FCRL5: variants seen among roughly 807,000 people sequenced by gnomAD.
The protein encoded by FCRL5 is Fc receptor like 5.
FCRL5 carries 79 observed loss-of-function variants against 92.1 expected under a neutral mutation model. That is an observed-to-expected ratio of 0.86 (90% CI 0.72 to 1.03). FCRL5 has a LOEUF of 1.03. Among genes scored for constraint, FCRL5 ranks in the 50% least tolerant of loss-of-function variants. The pLI, the probability that FCRL5 is intolerant of heterozygous loss-of-function variation, is 0.00. For synonymous variants in FCRL5, 466 were observed against 469.3 expected (o/e 0.99, Z 0.09); for missense variants, 1,160 against 1,181.1 (o/e 0.98, Z 0.26).
At position 157,543,036 on chromosome 1, in the gene FCRL5, G is replaced by T. The variant is rs373052884; in HGVS notation, c.946C>A (p.Arg316Ser). The change falls in exon 6 of 17, where the codon CGC (arginine) becomes AGC (serine). Residue 316 changes from arginine to serine, a missense_variant. Coordinates refer to ENST00000361835, the MANE Select transcript of FCRL5 (RefSeq NM_031281.3). The stretch of plus-strand genomic sequence containing the variant: ...TCATGATAAAACCTGTACAAAGTGC[G>T]CAGAGAATCTTCCTGGGTTTCACAG... ...LHCETQEDSL[R>S]TLYRFYHEGV... is the part of the protein sequence containing the mutation. The T allele has an allele frequency of 1.2e-6, 2 of 1,614,242 alleles. No homozygotes were observed. The highest frequency in any genetic ancestry group is 1.3e-5 in the African/African-American group (1 of 75,064).
At chr1:157,541,185 C>A (rs750822505) in intron 6 of FCRL5, among the ~76,000 whole-genome samples, 14 of 151,812 alleles carry the variant, frequency 9.2e-5, no homozygotes, top group South Asian at 2.1e-4. Flanking sequence ...TCTCACAGTG[C>A]CTCTTGCTTC....
chr1:157,535,259 A>T (rs756223047), intron 7 of FCRL5, among the ~76,000 whole-genome samples: 33 of 152,202 alleles, frequency 2.2e-4, no homozygotes, highest in Admixed American at 5.9e-4. Flanking sequence ...GCAACCATGG[A>T]AGAGCCATGC....
chr1:157,519,770 C>T lies in FCRL5; in HGVS notation c.2633G>A (p.Gly878Glu), dbSNP rs780208492. Residue 878 changes from glycine (G) to glutamate (E), a missense_variant and splice_region_variant, in exon 13 of 17, where the codon GGG becomes GAG. Transcript: ENST00000361835. ...GGCGGGGTCAGAGGCAGGCTTTCTCCCTGTAAAGGAAAGCAGAGGAGCATT... is the reference window on the plus strand; with the variant it reads ...GGCGGGGTCAGAGGCAGGCTTTCTCTCTGTAAAGGAAAGCAGAGGAGCATT... ...LLYCWLSRKAGRKPASDPARS... is the reference protein window; with the variant it reads ...LLYCWLSRKAERKPASDPARS... The T allele has an allele frequency of 5.0e-6, 8 of 1,614,002 alleles. No individual in the cohort carries two copies. In the South Asian group the frequency reaches 5.5e-5, roughly 11 times the overall value.
chr1:157,535,441 A>G (rs1328890037), intron 7 of FCRL5, among the ~76,000 whole-genome samples: 1 of 152,230 alleles, frequency 6.6e-6, no homozygotes, highest in East Asian at 1.9e-4. Context: ...CTTTATTTGT[A>G]TTTGAAGTTC....
intron 2 of FCRL5, among the ~76,000 whole-genome samples, chr1:157,548,187 A>T (rs1651645655): frequency 6.6e-6 from 1 of 152,110 alleles, no homozygotes; most frequent in African/African-American, 2.4e-5. Context: ...TTGGGCATTC[A>T]CCCCTTCCCC....
At chr1:157,534,335 A>G (rs1369621715) in intron 8 of FCRL5, 3 of 709,468 alleles carry the variant, frequency 4.2e-6, no homozygotes, top group South Asian at 1.5e-5. Context: ...GTGCATCAAG[A>G]AAAATTGGCG....
chr1:157,541,647 C>A (rs1651265373), intron 6 of FCRL5, among the ~76,000 whole-genome samples: 1 of 152,240 alleles, frequency 6.6e-6, no homozygotes, highest in Non-Finnish European at 1.5e-5. Flanking sequence ...CTTCCCAACT[C>A]AGATTGGCAT....
intron 1 of FCRL5, among the ~76,000 whole-genome samples, chr1:157,549,940 G>A (rs914466599): frequency 6.6e-6 from 1 of 152,222 alleles, no homozygotes; most frequent in Admixed American, 6.5e-5. Context: ...CCAGTGTGTA[G>A]GATATATGTG....
At chr1:157,521,582 A>G in intron 10 of FCRL5, 1 of 264,886 alleles carries the variant, frequency 3.8e-6, no homozygotes, top group East Asian at 8.2e-5. Flanking sequence ...CAACCATACA[A>G]TACTATTCTT....
At chr1:157,526,163 G>A (rs1029601028) in intron 9 of FCRL5, among the ~76,000 whole-genome samples, 9 of 152,318 alleles carry the variant, frequency 5.9e-5, no homozygotes, top group African/African-American at 2.2e-4. Context: ...AAGAGAGCCA[G>A]AAGAAGATAG....
intron 6 of FCRL5, among the ~76,000 whole-genome samples, chr1:157,540,570 G>T (rs1571103320): frequency 6.7e-6 from 1 of 149,784 alleles, no homozygotes; most frequent in African/African-American, 2.4e-5. Flanking sequence ...AACCCTATTT[G>T]CATTTGCAGT....
chr1:157,515,973 T>TA (rs1196068932), intron 15 of FCRL5, 100 bp from the exon 16 acceptor site: 1 of 1,302,134 alleles, frequency 7.7e-7, no homozygotes, highest in African/African-American at 1.5e-5. Flanking sequence ...GGAGGCCCGC[T>TA]CTCCCTCTGT....
chr1:157,550,657 A>G (rs1046573610), intron 1 of FCRL5, among the ~76,000 whole-genome samples: 1 of 152,226 alleles, frequency 6.6e-6, no homozygotes, highest in African/African-American at 2.4e-5. Flanking sequence ...TATATCCTCC[A>G]GGACCTATAA....
chr1:157,549,342 G>A (rs530869470), intron 2 of FCRL5, among the ~76,000 whole-genome samples: 4 of 151,440 alleles, frequency 2.6e-5, no homozygotes, highest in East Asian at 1.9e-4. Context: ...GTTAAATGAC[G>A]AGTTAGTGGG....
Position 157,536,389 on chromosome 1 carries a change from TC to T in FCRL5, c.1403-1498del, listed in dbSNP as rs369025907. Among the ~76,000 whole-genome samples, 479 of 152,316 alleles carry T rather than the reference TC, an allele frequency of 3.1e-3. 2 individuals are homozygous for T. The highest frequency in any genetic ancestry group is 0.01 in the African/African-American group (418 of 41,564). On this transcript the variant is annotated intron_variant, in intron 7 of 16. Coordinates refer to ENST00000361835, the MANE Select transcript of FCRL5 (RefSeq NM_031281.3). ...TTTTCCCTTGGCCAGAGTCCTTCCT[TC>T]TCATGTCCCATTTCCTCTACTGGGA...
In FCRL5 at chr1:157,521,136, G is replaced by A; in HGVS notation, c.2396C>T (p.Pro799Leu). ...GAGGTTTAAGGACGCTCCTCCAGAGGGGGACGACCTATTTCCTAGGGTGAC... is the reference window on the plus strand; with the variant it reads ...GAGGTTTAAGGACGCTCCTCCAGAGAGGGACGACCTATTTCCTAGGGTGAC... ...EDVTLGNRSS[P>L]SGGASLNLSL... is the part of the protein sequence containing the mutation. Residue 799 changes from proline to leucine, a missense_variant, in exon 11 of 17, where the codon CCC becomes CTC. By Grantham distance (98) the Pro-to-Leu change is moderately conservative (BLOSUM62 -3). Transcript: ENST00000361835. The A allele has an allele frequency of 6.2e-7, 1 of 1,614,176 alleles. No individual in the cohort carries two copies. Among genetic ancestry groups the A allele is most frequent in the East Asian group, 2.2e-5 (1 of 44,864 alleles).
intron 9 of FCRL5, 49 bp from the exon 10 acceptor site, chr1:157,524,606 T>C: frequency 6.6e-7 from 1 of 1,511,894 alleles, no homozygotes; most frequent in Non-Finnish European, 8.9e-7. Context: ...TAAAATATAT[T>C]CCTTCATGCT....
In FCRL5 at chr1:157,513,987, C is replaced by A. The variant is rs1649818663; in HGVS notation, c.*1688G>T. On this transcript the variant is annotated 3_prime_UTR_variant, in exon 17 of 17. Transcript: ENST00000361835. ...CTGTAGTGATGACAAATGCCTCCAG[C>A]CTTGTCCTCTGCAAGGCTGCACTGG... 1 of 152,244 alleles carries A rather than the reference C, an allele frequency of 6.6e-6. No homozygotes were observed. Among genetic ancestry groups the A allele is most frequent in the Admixed American group, 6.5e-5 (1 of 15,284 alleles). 9.4% of individuals were successfully genotyped at this position (152,244 alleles called of 1,614,324 possible). A position where few individuals can be genotyped will look rare whatever the true frequency, so the allele number is the denominator to read the frequency against.
rs1408467958 is a variant in FCRL5, at chr1:157,524,322, A to G, written c.2196T>C (p.Gly732=). 3 of 1,614,156 alleles carry G rather than the reference A, an allele frequency of 1.9e-6. No homozygotes were observed. The highest frequency in any genetic ancestry group is 1.7e-5 in the Admixed American group (1 of 60,012). ...CCATCTCACTGCGCTGGGCCTCCAG[A>G]CCATTGTCTGCCTCACAGGAGTAGA... ...SGIYSCEADN[G]LEAQRSEMVT... Residue 732 remains glycine, a synonymous_variant, in exon 10 of 17, where the codon GGT becomes GGC. Transcript: ENST00000361835.
Sources: allele counts gnomAD v4.1 joint callset (sites outside exome capture counted in the v4.1 genomes callset), GRCh38; gene constraint gnomAD v4.1.1; transcripts MANE v1.5; gene names NCBI Gene and HGNC (gene_info 2026-07-23, HGNC 2026-07-21).